RASGRP2: variants seen among roughly 807,000 people sequenced by gnomAD.
RASGRP2 encodes RAS guanyl releasing protein 2, also known as RAS guanyl-releasing protein 2.
RASGRP2 carries 44 observed loss-of-function variants against 71.0 expected under a neutral mutation model. The observed-to-expected ratio is 0.62, with a 90% CI of 0.49 to 0.80. RASGRP2 has a LOEUF of 0.80. Among genes scored for constraint, RASGRP2 ranks in the 30% least tolerant of loss-of-function variants. The pLI, the probability that RASGRP2 is intolerant of heterozygous loss-of-function variation, is 0.00. For missense variants in RASGRP2, 663 were observed against 813.4 expected (o/e 0.82, Z 2.25); for synonymous variants, 350 against 330.7 (o/e 1.06, Z -0.63).
chr11:64,732,531 C>A (rs1384866161), intron 12 of RASGRP2, among the ~76,000 whole-genome samples: 1 of 150,428 alleles, frequency 6.6e-6, no homozygotes, highest in African/African-American at 2.4e-5. Context: ...AGGTGGCTCA[C>A]GCCTGTAATC....
rs757719823 is a variant in RASGRP2 at position 64,737,018 on chromosome 11, G to A, written c.830C>T (p.Thr277Met). 3.5e-5 allele frequency: 57 copies of A among 1,613,722 alleles called. No individual in the cohort carries two copies. Among genetic ancestry groups the A allele is most frequent in the East Asian group, 8.9e-5 (4 of 44,888 alleles). Residue 277 changes from threonine to methionine, a missense_variant, in exon 9 of 17, where the codon ACG (threonine) becomes ATG (methionine). Coordinates refer to ENST00000394432, the MANE Select transcript of RASGRP2 (RefSeq NM_001098671.2). ...PETIKLWEGL[T>M]ELVTATGNYG... Reference sequence around the variant, plus strand: ...GTTGCCTGTCGCCGTCACTAGTTCCGTGAGACCCTCCCAGAGCTGGGGACA... The same window carrying A: ...GTTGCCTGTCGCCGTCACTAGTTCCATGAGACCCTCCCAGAGCTGGGGACA...
At position 64,740,004 on chromosome 11, in the gene RASGRP2, G is replaced by A. The variant is rs753416129; in HGVS notation, c.522+9C>T. The A allele has an allele frequency of 1.5e-5, 25 of 1,613,740 alleles. No homozygotes were observed. Among genetic ancestry groups the A allele is most frequent in the Middle Eastern group, 1.6e-4 (1 of 6,078 alleles). On this transcript the variant is annotated intron_variant, in intron 6 of 16. Coordinates refer to ENST00000394432, the MANE Select transcript of RASGRP2 (RefSeq NM_001098671.2). ...TTGGACCCCTGACCCCCCAGCCCTC[G>A]GGCCGCACCAGGATCTTGCAGAAGG...
At position 64,739,657 on chromosome 11, in the gene RASGRP2, T is replaced by C; in HGVS notation, c.675A>G (p.Thr225=). Reference sequence around the variant, plus strand: ...GCACCTCCGCCACGTGGACAAAGTGTGTGATGACCAGGGCCCGCTGCGGGG... The same window carrying C: ...GCACCTCCGCCACGTGGACAAAGTGCGTGATGACCAGGGCCCGCTGCGGGG... ...PTAPQRALVI[T]HFVHVAEKLL... The change falls in exon 7 of 17, where the codon ACA becomes ACG. Residue 225 remains threonine, a synonymous_variant. Transcript: ENST00000394432. The surrounding 1 kb of genome is among the most constrained non-coding windows in gnomAD (Gnocchi z 4.2). 1 of 1,613,686 alleles carries C rather than the reference T, an allele frequency of 6.2e-7. No individual in the cohort carries two copies. Among genetic ancestry groups the C allele is most frequent in the Non-Finnish European group, 8.5e-7 (1 of 1,179,766 alleles).
rs368659826 is a variant in RASGRP2 at position 64,739,336 on chromosome 11, C to A, written c.813+24G>T. On this transcript the variant is annotated intron_variant, in intron 8 of 16. Transcript: ENST00000394432. The surrounding 1 kb of genome is among the most constrained non-coding windows in gnomAD (Gnocchi z 4.2). ...CAGTGAAGACAGACCTGGGAAGCAC[C>A]GGCCCCTCCCCAGTCCCAGGCACCT... 7.6e-6 allele frequency: 12 copies of A among 1,582,238 alleles called. No homozygotes were observed. The highest frequency in any genetic ancestry group is 1.0e-5 in the Non-Finnish European group (12 of 1,151,168).
chr11:64,729,877 T>C (rs1190775661), intron 13 of RASGRP2, 79 bp from the exon 14 acceptor site: 4 of 1,589,604 alleles, frequency 2.5e-6, no homozygotes, highest in African/African-American at 1.3e-5. Context: ...AGGGTGAGAC[T>C]AGGGCTTTAG....
rs767701927 is a variant in RASGRP2 at position 64,739,434 on chromosome 11, C to T, written c.739G>A (p.Val247Ile). 5 of 1,614,198 alleles carry T rather than the reference C, an allele frequency of 3.1e-6. No individual in the cohort carries two copies. Among genetic ancestry groups the T allele is most frequent in the Non-Finnish European group, 4.2e-6 (5 of 1,180,038 alleles). ...ATGGAGCTGTGGCTCAGGCCCCCGA[C>T]CACTGCCATCAGCGTGTTGAAGTTC... ...LQNFNTLMAV[V>I]GGLSHSSISR... Residue 247 changes from valine to isoleucine, a missense_variant, in exon 8 of 17, where the codon GTC (valine) becomes ATC (isoleucine). By Grantham distance (29) the Val-to-Ile change is conservative (BLOSUM62 3). Coordinates refer to ENST00000394432, the MANE Select transcript of RASGRP2 (RefSeq NM_001098671.2). The surrounding 1 kb of genome is among the most constrained non-coding windows in gnomAD (Gnocchi z 4.2).
At position 64,739,996 on chromosome 11, in the gene RASGRP2, C is replaced by A. The variant is rs2058068772; in HGVS notation, c.522+17G>T. ...AGCCCACATTGGACCCCTGACCCCC[C>A]AGCCCTCGGGCCGCACCAGGATCTT... is the stretch of plus-strand genomic sequence containing the variant. On this transcript the variant is annotated intron_variant, in intron 6 of 16. Coordinates refer to ENST00000394432, the MANE Select transcript of RASGRP2 (RefSeq NM_001098671.2). The surrounding 1 kb of genome is among the most constrained non-coding windows in gnomAD (Gnocchi z 4.2). The A allele has an allele frequency of 1.2e-6, 2 of 1,614,028 alleles. No homozygotes were observed. Among genetic ancestry groups the A allele is most frequent in the Non-Finnish European group, 1.7e-6 (2 of 1,180,008 alleles).
chr11:64,736,263 C>G (rs1032545325), intron 9 of RASGRP2, among the ~76,000 whole-genome samples: 27 of 152,182 alleles, frequency 1.8e-4, no homozygotes, highest in African/African-American at 6.0e-4. Flanking sequence ...AACCCTGATC[C>G]CCTCCAGAGC....
At chr11:64,738,957 TAA>T (rs34619826) in intron 8 of RASGRP2, among the ~76,000 whole-genome samples, 3 of 133,070 alleles carry the variant, frequency 2.3e-5, no homozygotes, top group African/African-American at 5.7e-5. Flanking sequence ...ACCCCATCTC[TAA>T]AAAAAAAAAA....
rs202163750 is a variant in RASGRP2, at chr11:64,741,090, G to A, written c.240-11C>T. The A allele has an allele frequency of 6.0e-5, 96 of 1,611,230 alleles. No homozygotes were observed. Among genetic ancestry groups the A allele is most frequent in the African/African-American group, 2.1e-4 (16 of 74,956 alleles). On this transcript the variant is annotated splice_polypyrimidine_tract_variant and intron_variant, in intron 4 of 16. Transcript: ENST00000394432. ...GCGGAGATCCAGTACCTGGAGGAGC[G>A]GGGAGTCACCCAAGATAGCCCTTCC...
At chr11:64,736,720 C>T (rs1404586625) in intron 9 of RASGRP2, 33 bp downstream of exon 9, 1 of 1,554,252 alleles carries the variant, frequency 6.4e-7, no homozygotes, top group Admixed American at 1.9e-5. Flanking sequence ...CCCTGGTGCC[C>T]AGCTCCCCAC....
intron 8 of RASGRP2, among the ~76,000 whole-genome samples, chr11:64,738,349 G>A (rs140230358): frequency 2.7e-3 from 409 of 152,156 alleles, no homozygotes; most frequent in African/African-American, 9.2e-3. Flanking sequence ...GGCGCTTGGG[G>A]GCCTGGCAAG....
In RASGRP2 at chr11:64,741,991, C is replaced by A; in HGVS notation, c.176+19G>T. On this transcript the variant is annotated intron_variant, in intron 3 of 16. Coordinates refer to ENST00000394432, the MANE Select transcript of RASGRP2 (RefSeq NM_001098671.2). ...TGGGCTCCGACGGCGGGGGCCTTGG[C>A]AAGGCCGGCGAAGGATATATGTGGA... 2 of 1,596,064 alleles carry A rather than the reference C, an allele frequency of 1.3e-6. No individual in the cohort carries two copies. Among genetic ancestry groups the A allele is most frequent in the South Asian group, 1.1e-5 (1 of 88,986 alleles).
At chr11:64,728,823 C>T (rs771919656) in intron 15 of RASGRP2, 40 bp downstream of exon 15, 2 of 1,540,494 alleles carry the variant, frequency 1.3e-6, no homozygotes, top group South Asian at 1.1e-5. Flanking sequence ...AGCCCTGCAT[C>T]CTTCCCTCCA....
At chr11:64,737,688 AAAAAAAAGAAAG>A (rs1447863821) in intron 8 of RASGRP2, among the ~76,000 whole-genome samples, 2 of 151,352 alleles carry the variant, frequency 1.3e-5, no homozygotes, top group African/African-American at 4.9e-5. Context: ...CAAAAAAAAA[AAAAAAAAGAAAG>A]AAAAAGAAAG....
intron 4 of RASGRP2, 66 bp downstream of exon 4, chr11:64,741,373 A>G: frequency 1.4e-6 from 2 of 1,466,666 alleles, no homozygotes; most frequent in Non-Finnish European, 1.9e-6. Flanking sequence ...CCCCTCCTCC[A>G]GGCCAGCCTG....
chr11:64,740,921 C>G (rs1417086903), intron 5 of RASGRP2, 27 bp downstream of exon 5: 1 of 1,613,452 alleles, frequency 6.2e-7, no homozygotes, highest in Non-Finnish European at 8.5e-7. Context: ...GAGTGCCCCC[C>G]CAGCCCTCTG....
intron 13 of RASGRP2, 90 bp downstream of exon 13, chr11:64,729,963 G>T: frequency 6.5e-7 from 1 of 1,528,896 alleles, no homozygotes; most frequent in Non-Finnish European, 8.8e-7. Flanking sequence ...GGCTTGAGAA[G>T]GGCTCTGGCA....
At chr11:64,744,815 C>CGCTGCG (rs1343611327), upstream of RASGRP2, 2 of 149,286 alleles carry the variant, frequency 1.3e-5, no homozygotes, top group African/African-American at 2.4e-5. Flanking sequence ...CCGCCGGCCT[C>CGCTGCG]GCTGCGGCTG....
Sources: allele counts gnomAD v4.1 joint callset (sites outside exome capture counted in the v4.1 genomes callset), GRCh38; gene constraint gnomAD v4.1.1; non-coding constraint Gnocchi (gnomAD v3.1); transcripts MANE v1.5; gene names NCBI Gene and HGNC (gene_info 2026-07-23, HGNC 2026-07-21).